The following HDX variants were observed in gnomAD, a reference collection of about 807,000 sequenced individuals.
HDX encodes the protein chromosome X open reading frame 43.
In HDX, 19 loss-of-function variants were observed where a neutral mutation model predicts 45.2. The ratio of observed to expected loss-of-function variants is 0.42; its 90% CI spans 0.29 to 0.62. HDX has a LOEUF of 0.62. Ranked by LOEUF, HDX falls within the 20% of genes least tolerant of loss-of-function variation. The pLI, the probability that HDX is intolerant of heterozygous loss-of-function variation, is 0.20. For synonymous variants in HDX, 188 were observed against 172.8 expected, an observed-to-expected ratio of 1.09 and a Z score of -0.69; for missense variants, 532 against 493.9, an observed-to-expected ratio of 1.08 and a Z score of -0.73.
At chrX:84,378,692 C>T (rs1022264947) in intron 5 of HDX, among the ~76,000 whole-genome samples, 2 of 110,964 alleles carry the variant, frequency 1.8e-5, no homozygotes, top group Middle Eastern at 9.5e-3. Context: ...ATCATCTTAC[C>T]AGACAAAATC....
intron 4 of HDX, among the ~76,000 whole-genome samples, chrX:84,441,152 T>C (rs2039754241): frequency 9.0e-6 from 1 of 111,678 alleles, no homozygotes; most frequent in Non-Finnish European, 1.9e-5. Context: ...TATGTGAATG[T>C]GGCCTTTCTC....
chrX:84,465,409 T>C (rs747057558), intron 4 of HDX, among the ~76,000 whole-genome samples: 84 of 112,397 alleles, frequency 7.5e-4, no homozygotes, highest in Non-Finnish European at 1.4e-3. Flanking sequence ...AACAAAGGCT[T>C]GGAACCAATC....
chrX:84,325,136 A>G (rs2036681382), intron 10 of HDX, among the ~76,000 whole-genome samples: 1 of 110,791 alleles, frequency 9.0e-6, no homozygotes, highest in African/African-American at 3.3e-5. Flanking sequence ...GAGCCTCATG[A>G]GTAAATTCAT....
At chrX:84,332,381 A>G (rs1011083692) in intron 9 of HDX, among the ~76,000 whole-genome samples, 1 of 111,657 alleles carries the variant, frequency 9.0e-6, no homozygotes, top group African/African-American at 3.3e-5. Flanking sequence ...AATGGAAAAC[A>G]CTGGATTAAT....
At chrX:84,475,922 A>T (rs2040540485) in intron 2 of HDX, among the ~76,000 whole-genome samples, 1 of 112,049 alleles carries the variant, frequency 8.9e-6, no homozygotes, top group Non-Finnish European at 1.9e-5. Context: ...TTTAGAGCTT[A>T]AATATAAACA....
Position 84,502,427 on chromosome X carries a change from T to C in HDX, c.-195A>G, listed in dbSNP as rs1426724970. The C allele has an allele frequency of 8.9e-6, 1 of 111,770 alleles. No individual in the cohort carries two copies. Among genetic ancestry groups the C allele is most frequent in the Admixed American group, 9.5e-5 (1 of 10,543 alleles). 9.2% of individuals were successfully genotyped at this position (111,770 alleles called of 1,213,427 possible). ...CAGGCGGATTCAGCGAGATTTTTCCTGGGTCTCCAGTGCCGCTTCAGACAA... is the reference window on the plus strand; with the variant it reads ...CAGGCGGATTCAGCGAGATTTTTCCCGGGTCTCCAGTGCCGCTTCAGACAA... On this transcript the variant is annotated 5_prime_UTR_variant, in exon 1 of 11. Transcript: ENST00000373177.
intron 6 of HDX, among the ~76,000 whole-genome samples, chrX:84,356,686 G>C (rs1346544222): frequency 1.1e-5 from 1 of 93,615 alleles, no homozygotes; most frequent in Non-Finnish European, 2.0e-5. Flanking sequence ...GCAGTGGCGC[G>C]ATCTCGCCTC....
intron 2 of HDX, among the ~76,000 whole-genome samples, chrX:84,486,437 C>A (rs2040792344): frequency 9.0e-6 from 1 of 111,359 alleles, no homozygotes; most frequent in Non-Finnish European, 1.9e-5. Context: ...CCAGAATTTG[C>A]CATTTAATTT....
intron 4 of HDX, 123 bp from the exon 5 acceptor site, chrX:84,440,708 G>T (rs905416495): frequency 2.3e-6 from 1 of 431,737 alleles, no homozygotes; most frequent in Non-Finnish European, 3.9e-6. Context: ...TATTCCCCAC[G>T]TATAAAATGT....
intron 3 of HDX, among the ~76,000 whole-genome samples, chrX:84,470,132 A>G (rs1169612456): frequency 1.8e-5 from 2 of 111,660 alleles, no homozygotes; most frequent in Admixed American, 9.6e-5. Flanking sequence ...TATTTATAGT[A>G]TTTTTTGAAA....
At chrX:84,371,510 C>A (rs1362030690) in intron 5 of HDX, among the ~76,000 whole-genome samples, 1 of 111,910 alleles carries the variant, frequency 8.9e-6, no homozygotes, top group Non-Finnish European at 1.9e-5. Context: ...GAAAGAGCAG[C>A]AATAGCTGAG....
At chrX:84,388,536 G>C (rs146955457) in intron 5 of HDX, among the ~76,000 whole-genome samples, 3,508 of 111,601 alleles carry the variant, frequency 0.031, 151 homozygotes, top group African/African-American at 0.11. Context: ...TGACTGAATT[G>C]ATTTAAGGAA....
chrX:84,424,525 A>G (rs986965299), intron 5 of HDX, among the ~76,000 whole-genome samples: 14 of 111,725 alleles, frequency 1.3e-4, no homozygotes, highest in African/African-American at 4.2e-4. Flanking sequence ...CAAAGAGATT[A>G]AAAATGGAGG....
Position 84,414,347 on chromosome X carries a change from A to G in HDX, c.1305+26185T>C, listed in dbSNP as rs1377129374. ...TTCCTATGATCAAGCAAGGTTGGCAAACACTACACTGACTGGCTGGATCTT... is the reference window on the plus strand; with the variant it reads ...TTCCTATGATCAAGCAAGGTTGGCAGACACTACACTGACTGGCTGGATCTT... On this transcript the variant is annotated intron_variant, in intron 5 of 10. Transcript: ENST00000373177. Among the ~76,000 whole-genome samples, 4 of 111,466 alleles carry G rather than the reference A, an allele frequency of 3.6e-5. No homozygotes were observed. The Admixed American group carries it at 3.8e-4, about 11-fold the overall frequency.
At chrX:84,371,046 C>T (rs2037881707) in intron 5 of HDX, among the ~76,000 whole-genome samples, 1 of 111,970 alleles carries the variant, frequency 8.9e-6, no homozygotes, top group African/African-American at 3.2e-5. Context: ...TTCTATTCTC[C>T]AGCAACAAAC....
chrX:84,328,894 T>C (rs1441070019), intron 9 of HDX, among the ~76,000 whole-genome samples: 1 of 112,107 alleles, frequency 8.9e-6, no homozygotes, highest in East Asian at 2.8e-4. Context: ...CACCACTTGA[T>C]TTTATACATT....
intron 9 of HDX, among the ~76,000 whole-genome samples, chrX:84,328,854 T>C (rs1024392172): frequency 3.6e-5 from 4 of 111,735 alleles, no homozygotes; most frequent in Non-Finnish European, 7.5e-5. Context: ...CCTCAGGAGA[T>C]CTTGAGAAAT....
chrX:84,429,959 T>C (rs998740021), intron 5 of HDX, among the ~76,000 whole-genome samples: 4 of 111,052 alleles, frequency 3.6e-5, no homozygotes, highest in African/African-American at 1.3e-4. Context: ...ACATTTCATG[T>C]ATAGTGATCA....
At chrX:84,358,653 C>A (rs917368433) in intron 6 of HDX, among the ~76,000 whole-genome samples, 2 of 112,272 alleles carry the variant, frequency 1.8e-5, no homozygotes, top group African/African-American at 6.5e-5. Context: ...CTGAACAGGG[C>A]AGTACTTATT....
Sources: allele counts gnomAD v4.1 joint callset (sites outside exome capture counted in the v4.1 genomes callset), GRCh38; gene constraint gnomAD v4.1.1; transcripts MANE v1.5; gene names NCBI Gene and HGNC (gene_info 2026-07-23, HGNC 2026-07-21).